The following PPA2 variants were observed in gnomAD, a reference collection of about 807,000 sequenced individuals.
The protein encoded by PPA2 is inorganic pyrophosphatase 2.
In PPA2, 48 loss-of-function variants were observed where a neutral mutation model predicts 49.5. The observed-to-expected ratio is 0.97, with a 90% CI of 0.77 to 1.23. The LOEUF is 1.23. Ranked by LOEUF, PPA2 falls within the 50% of genes most tolerant of loss-of-function variation. PPA2 has a pLI of 0.00. For missense variants in PPA2, 429 were observed against 410.1 expected (o/e 1.05, Z -0.40); for synonymous variants, 131 against 139.9 (o/e 0.94, Z 0.45).
At chr4:105,446,993 C>T (rs746830933) in intron 4 of PPA2, among the ~76,000 whole-genome samples, 74 of 151,890 alleles carry the variant, frequency 4.9e-4, no homozygotes, top group Non-Finnish European at 9.6e-4. Context: ...CTAGCCAGAG[C>T]AATTAGGCAA....
chr4:105,459,466 A>T (rs1420110373), intron 1 of PPA2, among the ~76,000 whole-genome samples: 4 of 152,246 alleles, frequency 2.6e-5, no homozygotes, highest in African/African-American at 9.6e-5. Flanking sequence ...AAATATGGTG[A>T]TGGGAACTGA....
At position 105,396,238 on chromosome 4, in the gene PPA2, C is replaced by T. The variant is rs1734137904; in HGVS notation, c.869+11G>A. ...TATAACATTACTTACATAGAAAAGA[C>T]AAATTCTTACCAATTTATAGCTCCT... On this transcript the variant is annotated intron_variant, in intron 9 of 11. Transcript: ENST00000341695. 1 of 1,521,194 alleles carries T rather than the reference C, an allele frequency of 6.6e-7. No homozygotes were observed. The highest frequency in any genetic ancestry group is 8.9e-7 in the Non-Finnish European group (1 of 1,117,464). 94.2% of individuals were successfully genotyped at this position (1,521,194 alleles called of 1,614,324 possible).
intron 9 of PPA2, among the ~76,000 whole-genome samples, chr4:105,386,936 T>A (rs552464797): frequency 2.6e-5 from 4 of 152,286 alleles, no homozygotes; most frequent in African/African-American, 9.6e-5. Flanking sequence ...ACAATTGCAC[T>A]TCACCTTTAT....
At chr4:105,399,340 T>A (rs1734269837) in intron 7 of PPA2, 176 bp from the exon 8 acceptor site, 2 of 546,684 alleles carry the variant, frequency 3.7e-6, no homozygotes, top group Non-Finnish European at 6.2e-6. Context: ...TTCAGACTTT[T>A]GTGTTTTCAT....
chr4:105,386,848 T>C (rs1412215571), intron 9 of PPA2, among the ~76,000 whole-genome samples: 1 of 152,084 alleles, frequency 6.6e-6, no homozygotes, highest in African/African-American at 2.4e-5. Flanking sequence ...CAAAGCACTC[T>C]CCAGAATGAT....
intron 1 of PPA2, among the ~76,000 whole-genome samples, chr4:105,461,333 G>A (rs1478919576): frequency 1.3e-5 from 2 of 152,304 alleles, no homozygotes; most frequent in East Asian, 3.9e-4. Context: ...CTCTGATGTC[G>A]AAAGGTGAAG....
At chr4:105,424,711 A>G (rs1303220800) in intron 6 of PPA2, among the ~76,000 whole-genome samples, 2 of 152,182 alleles carry the variant, frequency 1.3e-5, no homozygotes, top group African/African-American at 4.8e-5. Context: ...TACACATTCC[A>G]AACCACAGCA....
At chr4:105,372,494 G>A (rs564789293) in intron 10 of PPA2, among the ~76,000 whole-genome samples, 32 of 152,302 alleles carry the variant, frequency 2.1e-4, no homozygotes, top group African/African-American at 7.0e-4. Context: ...GTTTTTAGAT[G>A]AGATTAACAT....
intron 7 of PPA2, among the ~76,000 whole-genome samples, chr4:105,406,554 T>C (rs764437124): frequency 2.6e-5 from 4 of 152,164 alleles, no homozygotes; most frequent in Admixed American, 6.5e-5. Context: ...AGAAAATCTT[T>C]AAAGCAGTCT....
intron 6 of PPA2, among the ~76,000 whole-genome samples, chr4:105,428,224 G>A (rs111450919): frequency 0.02 from 3,107 of 152,134 alleles, 48 homozygotes; most frequent in Middle Eastern, 0.061. Flanking sequence ...AGGAACAACC[G>A]GTACCAACCA....
intron 7 of PPA2, among the ~76,000 whole-genome samples, chr4:105,402,804 T>C (rs1485213628): frequency 2.6e-5 from 4 of 152,132 alleles, no homozygotes; most frequent in Non-Finnish European, 4.4e-5. Context: ...AGGTGAACTA[T>C]GATGAGGGCC....
chr4:105,413,333 G>T (rs1024533965), intron 7 of PPA2, among the ~76,000 whole-genome samples: 3 of 152,020 alleles, frequency 2.0e-5, no homozygotes, highest in Non-Finnish European at 2.9e-5. Flanking sequence ...GTGGGGGACT[G>T]GGGGAGGGAT....
intron 6 of PPA2, among the ~76,000 whole-genome samples, chr4:105,436,995 C>T (rs558067501): frequency 7.2e-5 from 11 of 152,244 alleles, no homozygotes; most frequent in African/African-American, 2.2e-4. Context: ...TAAAAACCTT[C>T]TGCATAGCAA....
At chr4:105,423,766 GCTTT>G (rs1376222862) in intron 7 of PPA2, among the ~76,000 whole-genome samples, 4 of 152,148 alleles carry the variant, frequency 2.6e-5, no homozygotes, top group African/African-American at 9.7e-5. Flanking sequence ...TGCAGAAATA[GCTTT>G]TGTCATCGAT....
intron 5 of PPA2, among the ~76,000 whole-genome samples, chr4:105,440,635 G>C (rs1724313449): frequency 6.6e-6 from 1 of 152,134 alleles, no homozygotes; most frequent in Non-Finnish European, 1.5e-5. Flanking sequence ...CTGCATGAAT[G>C]CTACCAGTGA....
chr4:105,472,981 G>A (rs928457480), intron 1 of PPA2, among the ~76,000 whole-genome samples: 7 of 152,172 alleles, frequency 4.6e-5, no homozygotes, highest in South Asian at 2.1e-4. Context: ...AAGACGTGAA[G>A]AACTCGAGGG....
chr4:105,399,518 G>A, intron 7 of PPA2: 1 of 164,670 alleles, frequency 6.1e-6, no homozygotes. Context: ...AAAATGCAAT[G>A]AGGTTTTAAC....
intron 7 of PPA2, among the ~76,000 whole-genome samples, chr4:105,422,204 T>C (rs917613196): frequency 4.6e-5 from 7 of 152,204 alleles, no homozygotes; most frequent in Admixed American, 1.3e-4. Flanking sequence ...ATATTATGAA[T>C]AAGAATTGTT....
chr4:105,470,797 A>T (rs1397716206), intron 1 of PPA2, among the ~76,000 whole-genome samples: 3 of 152,236 alleles, frequency 2.0e-5, no homozygotes, highest in Non-Finnish European at 4.4e-5. Flanking sequence ...GGAGAAACTG[A>T]GCTACCGGAT....
Sources: allele counts gnomAD v4.1 joint callset (sites outside exome capture counted in the v4.1 genomes callset), GRCh38; gene constraint gnomAD v4.1.1; transcripts MANE v1.5; gene names NCBI Gene and HGNC (gene_info 2026-07-23, HGNC 2026-07-21).